MUSK: variants seen among roughly 807,000 people sequenced by gnomAD.
MUSK encodes muscle associated receptor tyrosine kinase.
A neutral mutation model predicts 88.7 loss-of-function variants in MUSK; 55 were observed. That is an observed-to-expected ratio of 0.62 (90% CI 0.50 to 0.78). The LOEUF (loss-of-function observed/expected upper bound fraction) is 0.78. Among genes scored for constraint, MUSK ranks in the 30% least tolerant of loss-of-function variants. The pLI is 0.00. For synonymous variants in MUSK, 387 were observed against 391.9 expected (o/e 0.99, Z 0.15); for missense variants, 1,015 against 1,074.3 (o/e 0.94, Z 0.77).
chr9:110,784,894 C>T lies in MUSK; in HGVS notation c.1464C>T (p.Val488=), dbSNP rs1242665362. The T allele has an allele frequency of 6.2e-7, 1 of 1,613,820 alleles. No homozygotes were observed. The highest frequency in any genetic ancestry group is 8.5e-7 in the Non-Finnish European group (1 of 1,179,776). The change falls in exon 12 of 15, where the codon GTC becomes GTT. Residue 488 remains valine (V), a synonymous_variant. Transcript: ENST00000374448. ...CCTCCTCCTCTTCTTCCTTCTCTGTCTCACCTACATACTCCATGACTGTAA... is the reference window on the plus strand; with the variant it reads ...CCTCCTCCTCTTCTTCCTTCTCTGTTTCACCTACATACTCCATGACTGTAA... The part of the protein sequence containing the change: ...LPSSSSSSFS[V]SPTYSMTVII...
intron 11 of MUSK, among the ~76,000 whole-genome samples, chr9:110,777,369 TCTC>T (rs1228965138): frequency 6.6e-6 from 1 of 152,124 alleles, no homozygotes; most frequent in Non-Finnish European, 1.5e-5. Context: ...CCAGCCCTAA[TCTC>T]CTCTGCATTT....
chr9:110,694,184 A>G (rs1176385485), intron 3 of MUSK, among the ~76,000 whole-genome samples: 7 of 149,128 alleles, frequency 4.7e-5, no homozygotes, highest in Admixed American at 2.0e-4. Flanking sequence ...CATCCTGACA[A>G]CAGGGTGAAA....
intron 6 of MUSK, among the ~76,000 whole-genome samples, chr9:110,736,334 G>A (rs2077029868): frequency 6.6e-6 from 1 of 152,096 alleles, no homozygotes; most frequent in African/African-American, 2.4e-5. Flanking sequence ...TCAGGAGGAA[G>A]ATTATATTTT....
At chr9:110,757,471 A>G (rs1231152751) in intron 7 of MUSK, among the ~76,000 whole-genome samples, 1 of 151,664 alleles carries the variant, frequency 6.6e-6, no homozygotes, top group African/African-American at 2.4e-5. Context: ...AAAAAAAAAA[A>G]AAGAAAAAGA....
chr9:110,668,971 A>G lies in MUSK; in HGVS notation c.67A>G (p.Lys23Glu). The G allele has an allele frequency of 6.2e-7, 1 of 1,613,590 alleles. No individual in the cohort carries two copies. The highest frequency in any genetic ancestry group is 8.5e-7 in the Non-Finnish European group (1 of 1,179,538). The change falls in exon 1 of 15, where the codon AAA becomes GAA. Residue 23 changes from lysine to glutamate, a missense_variant. Transcript: ENST00000374448. ...TCTGGTTGCCTTCAGCGGAACTGAG[A>G]AACTTCCAAAAGGTTGGTTTGAGCA... is the stretch of plus-strand genomic sequence containing the variant. Reference protein sequence around the residue: ...LTLVAFSGTEKLPKAPVITTP... With the variant: ...LTLVAFSGTEELPKAPVITTP...
At chr9:110,726,831 G>A (rs1407321305) in intron 5 of MUSK, among the ~76,000 whole-genome samples, 2 of 151,968 alleles carry the variant, frequency 1.3e-5, no homozygotes, top group Non-Finnish European at 2.9e-5. Context: ...GATGTGTCCA[G>A]CCCGAAGGCA....
At chr9:110,768,756 T>C (rs1427376569) in intron 9 of MUSK, among the ~76,000 whole-genome samples, 3 of 152,162 alleles carry the variant, frequency 2.0e-5, no homozygotes. Context: ...TGTCAATAAA[T>C]GAGATCATGC....
At chr9:110,711,707 ATG>A (rs2076673597) in intron 5 of MUSK, among the ~76,000 whole-genome samples, 1 of 152,204 alleles carries the variant, frequency 6.6e-6, no homozygotes, top group Non-Finnish European at 1.5e-5. Flanking sequence ...TGATGCCCAT[ATG>A]GTTAACATTG....
chr9:110,802,894 G>A lies in MUSK; in HGVS notation c.*1906G>A, dbSNP rs1029900607. The stretch of plus-strand genomic sequence containing the variant: ...GAAGTGCTTCAGATAAAAATCATGA[G>A]TCTAAGTCCAAAATTGATACTGTAA... On this transcript the variant is annotated 3_prime_UTR_variant, in exon 15 of 15. Coordinates refer to ENST00000374448, the MANE Select transcript of MUSK (RefSeq NM_005592.4). Among the ~76,000 whole-genome samples, 11 of 152,302 alleles carry A rather than the reference G, an allele frequency of 7.2e-5. No homozygotes were observed. Among genetic ancestry groups the A allele is most frequent in the African/African-American group, 2.4e-4 (10 of 41,566 alleles).
Position 110,801,914 on chromosome 9 carries a change from G to T in MUSK, c.*926G>T, listed in dbSNP as rs914504087. On this transcript the variant is annotated 3_prime_UTR_variant, in exon 15 of 15. Coordinates refer to ENST00000374448, the MANE Select transcript of MUSK (RefSeq NM_005592.4). ...TAATAACATTTTAAATACCATTGTA[G>T]ATTGATATGTATATGCCTTTTGCAA... Among the ~76,000 whole-genome samples, 4 of 151,990 alleles carry T rather than the reference G, an allele frequency of 2.6e-5. No individual in the cohort carries two copies.
chr9:110,739,470 T>A (rs182073728), intron 6 of MUSK, among the ~76,000 whole-genome samples: 43 of 152,260 alleles, frequency 2.8e-4, no homozygotes, highest in African/African-American at 9.9e-4. Context: ...TTCCAGCCCC[T>A]CCAAAGGTCA....
intron 7 of MUSK, chr9:110,761,973 T>G (rs2077408607): frequency 1.0e-6 from 1 of 971,154 alleles, no homozygotes; most frequent in African/African-American, 1.8e-5. Flanking sequence ...ATTGACTCAG[T>G]TTGAAAAGAA....
rs2075923369 is a variant in MUSK at position 110,668,970 on chromosome 9, G to C, written c.66G>C (p.Glu22Asp). ...ILTLVAFSGT[E>D]KLPKAPVITT... is the part of the protein sequence containing the mutation. Reference sequence around the variant, plus strand: ...CTCTGGTTGCCTTCAGCGGAACTGAGAAACTTCCAAAAGGTTGGTTTGAGC... The same window carrying C: ...CTCTGGTTGCCTTCAGCGGAACTGACAAACTTCCAAAAGGTTGGTTTGAGC... The change falls in exon 1 of 15, where the codon GAG becomes GAC. Residue 22 changes from glutamate (E) to aspartate (D), a missense_variant. By Grantham distance (45) the Glu-to-Asp change is conservative. Coordinates refer to ENST00000374448, the MANE Select transcript of MUSK (RefSeq NM_005592.4). 6.2e-7 allele frequency: 1 copy of C among 1,613,628 alleles called. No individual in the cohort carries two copies. The highest frequency in any genetic ancestry group is 1.1e-5 in the South Asian group (1 of 91,076).
intron 9 of MUSK, chr9:110,775,521 AC>A: frequency 2.3e-6 from 1 of 444,044 alleles, no homozygotes; most frequent in East Asian, 4.7e-5. Context: ...CCAATCTAAT[AC>A]GTTTTAAATT....
chr9:110,707,086 A>G (rs1197165947), intron 5 of MUSK, among the ~76,000 whole-genome samples: 14 of 152,166 alleles, frequency 9.2e-5, no homozygotes, highest in Non-Finnish European at 1.6e-4. Context: ...GCAGGGGCTC[A>G]TGCCTGTAAT....
intron 14 of MUSK, among the ~76,000 whole-genome samples, chr9:110,799,735 C>G (rs550514824): frequency 4.9e-4 from 75 of 152,138 alleles, no homozygotes; most frequent in African/African-American, 1.8e-3. Context: ...TGGGGAGAAA[C>G]CTCAAATAGT....
intron 4 of MUSK, 80 bp from the exon 5 acceptor site, chr9:110,697,245 C>T: frequency 7.0e-7 from 1 of 1,435,914 alleles, no homozygotes; most frequent in Non-Finnish European, 9.7e-7. Context: ...ATAGTGATGA[C>T]AATAAGTTGA....
At chr9:110,787,626 G>A in intron 13 of MUSK, 64 bp from the exon 14 acceptor site, 2 of 1,522,004 alleles carry the variant, frequency 1.3e-6, no homozygotes, top group Non-Finnish European at 1.8e-6. Flanking sequence ...GTATAAATGT[G>A]GGTAGGTATA....
At chr9:110,716,581 G>A (rs2131789042) in intron 5 of MUSK, among the ~76,000 whole-genome samples, 1 of 149,646 alleles carries the variant, frequency 6.7e-6, no homozygotes, top group East Asian at 1.9e-4. Context: ...TGGAATCATA[G>A]GCAACTGTTA....
Sources: gnomAD v4.1 joint callset for allele counts (sites outside exome capture counted in the v4.1 genomes callset) on GRCh38, gnomAD v4.1.1 for gene constraint, MANE v1.5 for transcripts, NCBI Gene and HGNC (gene_info 2026-07-23, HGNC 2026-07-21) for gene names.